The following MACROD2 variants were observed in gnomAD, a reference collection of about 807,000 sequenced individuals.
MACROD2 encodes mono-ADP ribosylhydrolase 2, also known as ADP-ribose glycohydrolase MACROD2.
MACROD2 carries 36 observed loss-of-function variants against 70.4 expected under a neutral mutation model. The ratio of observed to expected loss-of-function variants is 0.51; its 90% CI spans 0.39 to 0.68. The LOEUF is 0.68. Among genes scored for constraint, MACROD2 ranks in the 30% least tolerant of loss-of-function variants. The pLI is 0.00. For missense variants in MACROD2, 496 were observed against 538.4 expected (o/e 0.92, Z 0.78); for synonymous variants, 172 against 178.8 (o/e 0.96, Z 0.30).
intron 3 of MACROD2, among the ~76,000 whole-genome samples, chr20:14,475,761 A>C (rs1401936450): frequency 6.6e-6 from 1 of 152,034 alleles, no homozygotes; most frequent in Non-Finnish European, 1.5e-5. Flanking sequence ...CTGCTGCCAG[A>C]TGTATTGGAA....
At chr20:14,157,503 C>G (rs1305463659) in intron 3 of MACROD2, among the ~76,000 whole-genome samples, 3 of 152,036 alleles carry the variant, frequency 2.0e-5, no homozygotes, top group African/African-American at 4.8e-5. Flanking sequence ...TACCCTCTAA[C>G]TAACTGTATA....
At chr20:14,291,104 A>C (rs1231719231) in intron 3 of MACROD2, among the ~76,000 whole-genome samples, 2 of 152,246 alleles carry the variant, frequency 1.3e-5, no homozygotes, top group African/African-American at 4.8e-5. Flanking sequence ...AAAGGAAAAC[A>C]AGAGTCCACA....
intron 8 of MACROD2, among the ~76,000 whole-genome samples, chr20:15,658,223 CTCT>C (rs374965845): frequency 7.2e-6 from 1 of 139,162 alleles, no homozygotes; most frequent in Non-Finnish European, 1.5e-5. Flanking sequence ...TTCTCTCTCT[CTCT>C]TTTTTTTTTT....
intron 5 of MACROD2, among the ~76,000 whole-genome samples, chr20:15,170,195 A>G (rs2076413415): frequency 6.6e-6 from 1 of 152,212 alleles, no homozygotes; most frequent in Non-Finnish European, 1.5e-5. Flanking sequence ...TTGAAGATAA[A>G]GCTGAATTCT....
intron 3 of MACROD2, among the ~76,000 whole-genome samples, chr20:14,153,871 G>C (rs1272970949): frequency 3.9e-5 from 6 of 152,158 alleles, no homozygotes; most frequent in Non-Finnish European, 7.3e-5. Context: ...TATTTATGTA[G>C]TATCAGAAAG....
chr20:15,847,284 C>T (rs1268425275), intron 8 of MACROD2, among the ~76,000 whole-genome samples: 5 of 152,098 alleles, frequency 3.3e-5, no homozygotes, highest in Non-Finnish European at 5.9e-5. Flanking sequence ...AGTGGACTTT[C>T]GGCAGCATTA....
chr20:14,319,233 T>C (rs962909600), intron 3 of MACROD2, among the ~76,000 whole-genome samples: 46 of 152,198 alleles, frequency 3.0e-4, no homozygotes, highest in African/African-American at 1.1e-3. Flanking sequence ...ATTCCATCTC[T>C]CTCAGTGACT....
At chr20:15,699,375 T>A (rs1187932441) in intron 8 of MACROD2, among the ~76,000 whole-genome samples, 3 of 152,216 alleles carry the variant, frequency 2.0e-5, no homozygotes, top group African/African-American at 7.2e-5. Flanking sequence ...GGAGTCTACC[T>A]GGCTCCGGGC....
intron 8 of MACROD2, among the ~76,000 whole-genome samples, chr20:15,780,656 G>A (rs971502252): frequency 6.6e-6 from 1 of 152,110 alleles, no homozygotes; most frequent in Non-Finnish European, 1.5e-5. Flanking sequence ...ATGAATGGTG[G>A]TTGCTATAGG....
chr20:14,003,733 C>A, intron 2 of MACROD2: 1 of 456,862 alleles, frequency 2.2e-6, no homozygotes, highest in South Asian at 1.6e-5. Context: ...ATTCTGGAGT[C>A]TGGTTGTTGC....
rs148395686 is a variant in MACROD2, at chr20:15,826,217, T to C, written c.646-36528T>C. Among the ~76,000 whole-genome samples, 29 of 152,356 alleles carry C rather than the reference T, an allele frequency of 1.9e-4. No individual in the cohort carries two copies. The East Asian group carries it at 4.0e-3, about 21-fold the overall frequency. ...CACACCAACACATTTGCAAGGAATC[T>C]CTGGACTTCAGATACCTCACTTCAA... On this transcript the variant is annotated intron_variant, in intron 8 of 17. Coordinates refer to ENST00000684519, the MANE Select transcript of MACROD2 (RefSeq NM_001351661.2).
At chr20:15,748,703 G>A (rs1447754327) in intron 8 of MACROD2, among the ~76,000 whole-genome samples, 3 of 152,034 alleles carry the variant, frequency 2.0e-5, no homozygotes, top group African/African-American at 7.2e-5. Flanking sequence ...CTTGTGTCTA[G>A]TTACAGGCTT....
chr20:14,630,414 T>C (rs1007146038), intron 4 of MACROD2, among the ~76,000 whole-genome samples: 1 of 152,222 alleles, frequency 6.6e-6, no homozygotes, highest in African/African-American at 2.4e-5. Flanking sequence ...TAATTTTAAC[T>C]AAACTTGTTT....
intron 12 of MACROD2, among the ~76,000 whole-genome samples, chr20:15,950,542 G>A (rs1370493802): frequency 6.6e-6 from 1 of 152,138 alleles, no homozygotes; most frequent in Non-Finnish European, 1.5e-5. Flanking sequence ...AAACAAAGAG[G>A]TGGCTCTACT....
intron 6 of MACROD2, among the ~76,000 whole-genome samples, chr20:15,341,926 C>A (rs1310542847): frequency 1.3e-5 from 2 of 151,998 alleles, no homozygotes; most frequent in Non-Finnish European, 2.9e-5. Flanking sequence ...CGGTGGTGTG[C>A]ACTTGTAATC....
intron 13 of MACROD2, among the ~76,000 whole-genome samples, chr20:15,984,159 C>T (rs1192664604): frequency 5.9e-5 from 9 of 151,944 alleles, no homozygotes; most frequent in Admixed American, 4.6e-4. Context: ...CAGGTTGATG[C>T]TTTAAGAAAA....
intron 3 of MACROD2, among the ~76,000 whole-genome samples, chr20:14,400,760 A>G (rs1034770205): frequency 3.9e-5 from 6 of 151,950 alleles, no homozygotes; most frequent in Admixed American, 3.9e-4. Flanking sequence ...CTTGAGTCAT[A>G]TATGTTGTCT....
intron 5 of MACROD2, among the ~76,000 whole-genome samples, chr20:14,854,117 G>A (rs1232439583): frequency 6.6e-6 from 1 of 152,052 alleles, no homozygotes; most frequent in Non-Finnish European, 1.5e-5. Flanking sequence ...TCATTACCCT[G>A]ATTTTTGTCC....
intron 6 of MACROD2, among the ~76,000 whole-genome samples, chr20:15,331,510 C>G (rs1226721310): frequency 3.3e-5 from 5 of 151,376 alleles, no homozygotes. Context: ...AAAGAGATGC[C>G]TTGGAAATTT....
Sources: allele counts gnomAD v4.1 joint callset (sites outside exome capture counted in the v4.1 genomes callset), GRCh38; gene constraint gnomAD v4.1.1; transcripts MANE v1.5; gene names NCBI Gene and HGNC (gene_info 2026-07-23, HGNC 2026-07-21).